The following RHBDD1 variants were observed in gnomAD, a reference collection of about 807,000 sequenced individuals.
RHBDD1 encodes the protein rhomboid domain containing 1, also known as rhomboid-related protein 4.
A neutral mutation model predicts 36.3 loss-of-function variants in RHBDD1; 38 were observed. That is an observed-to-expected ratio of 1.05 (90% CI 0.81 to 1.37). RHBDD1 has a LOEUF of 1.37. Among genes scored for constraint, RHBDD1 ranks in the 40% most tolerant of loss-of-function variants. The pLI is 0.00. For missense variants in RHBDD1, 393 were observed against 377.6 expected, an observed-to-expected ratio of 1.04 and a Z score of -0.34; for synonymous variants, 151 against 136.5, an observed-to-expected ratio of 1.11 and a Z score of -0.74.
chr2:226,963,507 C>A (rs1952381993), intron 8 of RHBDD1, among the ~76,000 whole-genome samples: 2 of 152,140 alleles, frequency 1.3e-5, no homozygotes, highest in African/African-American at 4.8e-5. Context: ...TCGCGGGTGA[C>A]CCCAGTGTTC....
At chr2:226,877,154 A>G (rs1945305041) in intron 5 of RHBDD1, among the ~76,000 whole-genome samples, 1 of 152,206 alleles carries the variant, frequency 6.6e-6, no homozygotes, top group Admixed American at 6.5e-5. Flanking sequence ...GATTAGTTCC[A>G]AGGTGGAACC....
chr2:226,889,217 G>C (rs774350334), intron 5 of RHBDD1, among the ~76,000 whole-genome samples: 7 of 152,116 alleles, frequency 4.6e-5, no homozygotes, highest in Non-Finnish European at 8.8e-5. Context: ...CAGTCTGAAG[G>C]GACTCATCAG....
At chr2:226,953,229 C>T (rs892085671) in intron 8 of RHBDD1, among the ~76,000 whole-genome samples, 3 of 151,460 alleles carry the variant, frequency 2.0e-5, no homozygotes, top group Non-Finnish European at 2.9e-5. Flanking sequence ...ATTTTTTTTT[C>T]AGGTCTTTAG....
chr2:226,889,533 A>T (rs1435678431), intron 5 of RHBDD1, among the ~76,000 whole-genome samples: 1 of 152,216 alleles, frequency 6.6e-6, no homozygotes, highest in African/African-American at 2.4e-5. Flanking sequence ...ACTTGAAGGC[A>T]TGTAGTGTTT....
At chr2:226,920,307 A>G (rs1949220205) in intron 8 of RHBDD1, among the ~76,000 whole-genome samples, 1 of 152,034 alleles carries the variant, frequency 6.6e-6, no homozygotes, top group Admixed American at 6.5e-5. Flanking sequence ...GGTTTTTCCA[A>G]ATATAAGATC....
intron 8 of RHBDD1, among the ~76,000 whole-genome samples, chr2:226,934,205 T>TA (rs1185295220): frequency 6.6e-6 from 1 of 152,160 alleles, no homozygotes; most frequent in Non-Finnish European, 1.5e-5. Context: ...CACAAATACT[T>TA]ACCATTGCAT....
intron 8 of RHBDD1, among the ~76,000 whole-genome samples, chr2:226,922,276 C>T (rs7583488): frequency 5.2e-5 from 7 of 133,632 alleles, no homozygotes; most frequent in Admixed American, 1.7e-4. Context: ...GGTGTGATCT[C>T]GGCTCACTGT....
At chr2:226,960,723 C>T (rs1467416106) in intron 8 of RHBDD1, among the ~76,000 whole-genome samples, 1 of 152,122 alleles carries the variant, frequency 6.6e-6, no homozygotes, top group Non-Finnish European at 1.5e-5. Flanking sequence ...TGACATCTCG[C>T]TATATTCAGA....
chr2:226,985,979 A>G (rs1173077979), intron 8 of RHBDD1, among the ~76,000 whole-genome samples: 1 of 152,262 alleles, frequency 6.6e-6, no homozygotes. Flanking sequence ...AGCACTACTT[A>G]TCTAAGTGGT....
chr2:226,981,592 T>C (rs1387191103), intron 8 of RHBDD1, among the ~76,000 whole-genome samples: 1 of 147,816 alleles, frequency 6.8e-6, no homozygotes, highest in Non-Finnish European at 1.5e-5. Flanking sequence ...ACACACTTTC[T>C]CTAATGGGGA....
chr2:226,824,473 C>T, the RHBDD1 span, among the ~76,000 whole-genome samples: 13 of 152,102 alleles, frequency 8.5e-5, no homozygotes, highest in South Asian at 2.7e-3. Flanking sequence ...GAACAAATTC[C>T]CTGGGAAAGA....
chr2:226,948,822 G>A (rs953006448), intron 8 of RHBDD1, among the ~76,000 whole-genome samples: 2 of 152,050 alleles, frequency 1.3e-5, no homozygotes, highest in Admixed American at 6.6e-5. Context: ...GAAATAAAGG[G>A]CATTCAAATA....
At chr2:226,919,536 A>G (rs902029991) in intron 8 of RHBDD1, among the ~76,000 whole-genome samples, 1 of 152,114 alleles carries the variant, frequency 6.6e-6, no homozygotes. Context: ...ATTCTTCTGC[A>G]TATGGATATC....
chr2:226,850,050 G>A (rs1942655785), intron 3 of RHBDD1, among the ~76,000 whole-genome samples: 1 of 152,192 alleles, frequency 6.6e-6, no homozygotes, highest in Admixed American at 6.5e-5. Context: ...GACTAAAACA[G>A]TAATGCACAA....
intron 3 of RHBDD1, among the ~76,000 whole-genome samples, chr2:226,842,579 A>G (rs1462291204): frequency 1.3e-5 from 2 of 152,150 alleles, no homozygotes; most frequent in Admixed American, 1.3e-4. Context: ...CAGGTTTGTC[A>G]AAGATCAAGT....
intron 6 of RHBDD1, among the ~76,000 whole-genome samples, chr2:226,907,394 C>CT (rs1210111757): frequency 6.6e-6 from 1 of 152,048 alleles, no homozygotes; most frequent in East Asian, 1.9e-4. Context: ...TTAGCTCCTG[C>CT]TTTTTTTAAT....
intron 8 of RHBDD1, among the ~76,000 whole-genome samples, chr2:226,968,624 T>TTGA (rs1458383718): frequency 1.3e-5 from 2 of 152,202 alleles, no homozygotes; most frequent in Non-Finnish European, 1.5e-5. Flanking sequence ...AAAAAGAGCA[T>TTGA]CGCACTTGGA....
chr2:226,992,252 G>GC (rs769301476), intron 8 of RHBDD1, among the ~76,000 whole-genome samples: 14 of 152,208 alleles, frequency 9.2e-5, no homozygotes, highest in Non-Finnish European at 1.8e-4. Context: ...CCAACGCAGA[G>GC]CACACACACA....
chr2:226,884,878 C>T (rs1011202808), intron 5 of RHBDD1, among the ~76,000 whole-genome samples: 7 of 151,820 alleles, frequency 4.6e-5, no homozygotes, highest in South Asian at 2.1e-4. Context: ...AAACAGTGAA[C>T]GTAATTTCAA....
Sources: allele counts gnomAD v4.1 joint callset (sites outside exome capture counted in the v4.1 genomes callset), GRCh38; gene constraint gnomAD v4.1.1; transcripts MANE v1.5; gene names NCBI Gene and HGNC (gene_info 2026-07-23, HGNC 2026-07-21).